Variants in ALG6 observed in about 807,000 individuals in gnomAD.
The protein encoded by ALG6 is ALG6 alpha-1,3-glucosyltransferase.
A neutral mutation model predicts 66.6 loss-of-function variants in ALG6; 46 were observed. The observed-to-expected ratio is 0.69, with a 90% CI of 0.55 to 0.88. The LOEUF (loss-of-function observed/expected upper bound fraction) is 0.88. Ranked by LOEUF, ALG6 falls within the 40% of genes least tolerant of loss-of-function variation. The pLI, the probability that ALG6 is intolerant of heterozygous loss-of-function variation, is 0.00. For synonymous variants in ALG6, 185 were observed against 203.7 expected (o/e 0.91, Z 0.78); for missense variants, 505 against 586.8 (o/e 0.86, Z 1.44).
chr1:63,368,833 A>G (rs1647814912), intron 1 of ALG6, among the ~76,000 whole-genome samples: 1 of 152,130 alleles, frequency 6.6e-6, no homozygotes, highest in Admixed American at 6.5e-5. Context: ...AATATACCAT[A>G]TAGAAAAATA....
chr1:63,418,049 G>A (rs1028836801), intron 11 of ALG6, among the ~76,000 whole-genome samples: 12 of 151,482 alleles, frequency 7.9e-5, no homozygotes, highest in Non-Finnish European at 1.6e-4. Context: ...CAGGAGAATC[G>A]CTTGAACCTG....
chr1:63,371,944 G>C (rs965064721), intron 2 of ALG6, among the ~76,000 whole-genome samples: 2 of 152,170 alleles, frequency 1.3e-5, no homozygotes, highest in African/African-American at 4.8e-5. Context: ...ACAACAGAGG[G>C]TGATAATTAT....
chr1:63,413,945 T>C, intron 9 of ALG6, 116 bp from the exon 10 acceptor site: 1 of 723,136 alleles, frequency 1.4e-6, no homozygotes, highest in East Asian at 2.7e-5. Context: ...TAGTTATAAT[T>C]GTGACTAAAA....
rs571368431 is a variant in ALG6 at position 63,430,772 on chromosome 1, T to C, written c.1326+1646T>C. On this transcript the variant is annotated intron_variant, in intron 14 of 14. Transcript: ENST00000263440. ...TTGAGTTGTAAGAGTTTTTTTAATATATATTCTTGATATGAGTTCCTTACC... is the reference window on the plus strand; with the variant it reads ...TTGAGTTGTAAGAGTTTTTTTAATACATATTCTTGATATGAGTTCCTTACC... 2.6e-5 allele frequency among the ~76,000 whole-genome samples: 4 copies of C among 152,328 alleles called. No homozygotes were observed. In the East Asian group the frequency reaches 5.8e-4, roughly 22 times the overall value.
At chr1:63,423,155 C>CT (rs1352513483) in intron 12 of ALG6, among the ~76,000 whole-genome samples, 1 of 151,574 alleles carries the variant, frequency 6.6e-6, no homozygotes, top group Admixed American at 6.6e-5. Context: ...TCCCCAGTAG[C>CT]TGGGACTACA....
chr1:63,372,825 A>G (rs1053583536), intron 2 of ALG6, among the ~76,000 whole-genome samples: 1 of 151,902 alleles, frequency 6.6e-6, no homozygotes, highest in East Asian at 1.9e-4. Context: ...ATGCCCAGCT[A>G]ATTTTTGTAT....
chr1:63,412,190 A>ATTGC, intron 9 of ALG6, 129 bp downstream of exon 9: 2 of 1,373,302 alleles, frequency 1.5e-6, no homozygotes, highest in Non-Finnish European at 2.0e-6. Context: ...CTTGCCAGTT[A>ATTGC]TTGCTTGATT....
intron 2 of ALG6, among the ~76,000 whole-genome samples, chr1:63,388,208 C>T (rs577585433): frequency 1.2e-4 from 18 of 152,106 alleles, no homozygotes; most frequent in Admixed American, 2.6e-4. Flanking sequence ...CATGAGCCAC[C>T]GCGCCTGGCC....
chr1:63,371,094 A>G (rs1283822558), intron 2 of ALG6, 35 bp downstream of exon 2: 3 of 1,485,258 alleles, frequency 2.0e-6, no homozygotes, highest in Admixed American at 3.3e-5. Context: ...AAAAAACGAA[A>G]TTTTCCTTTG....
Position 63,436,857 on chromosome 1 carries a change from C to T in ALG6, c.1361C>T (p.Thr454Met), listed in dbSNP as rs138890428. 3.0e-5 allele frequency: 49 copies of T among 1,613,636 alleles called. No homozygotes were observed. The African/African-American group carries it at 5.3e-4, about 18-fold the overall frequency. The change falls in exon 15 of 15, where the codon ACG becomes ATG. Residue 454 changes from threonine to methionine, a missense_variant. By Grantham distance (81) the Thr-to-Met change is moderately conservative. Transcript: ENST00000263440. ...LISVITMVLL[T>M]LMTVTLDPPQ... ...TCAGTCATCACTATGGTGCTTCTGA[C>T]GTTGATGACTGTCACACTGGATCCT...
intron 10 of ALG6, among the ~76,000 whole-genome samples, chr1:63,414,501 C>T (rs1376504622): frequency 1.3e-5 from 2 of 152,112 alleles, no homozygotes; most frequent in Non-Finnish European, 2.9e-5. Flanking sequence ...CCACCCACCT[C>T]GGCCTCCCAA....
In ALG6 at chr1:63,419,421, T is replaced by G; in HGVS notation, c.1039T>G (p.Ser347Ala). Residue 347 changes from serine (S) to alanine (A), a missense_variant, in exon 12 of 15, where the codon TCC becomes GCC. Coordinates refer to ENST00000263440, the MANE Select transcript of ALG6 (RefSeq NM_013339.4). ...FLFSFQVHEK[S>A]ILLVSLPVCL... The stretch of plus-strand genomic sequence containing the variant: ...ATTTTCTTTCCAAGTACATGAAAAA[T>G]CCATTCTCTTGGTGTCACTGTAAGT... 6.2e-7 allele frequency: 1 copy of G among 1,608,038 alleles called. No homozygotes were observed. The highest frequency in any genetic ancestry group is 1.1e-5 in the South Asian group (1 of 90,058).
At chr1:63,376,286 G>T (rs1648123566) in intron 2 of ALG6, among the ~76,000 whole-genome samples, 2 of 152,158 alleles carry the variant, frequency 1.3e-5, no homozygotes, top group South Asian at 4.1e-4. Context: ...TAGATAAGGT[G>T]CAGTTAAAAT....
rs1644519126 is a variant in ALG6 at position 63,412,049 on chromosome 1, T to C, written c.804T>C (p.Arg268=). 1 of 1,614,110 alleles carries C rather than the reference T, an allele frequency of 6.2e-7. No homozygotes were observed. The highest frequency in any genetic ancestry group is 2.2e-5 in the East Asian group (1 of 44,878). Residue 268 remains arginine (R), a synonymous_variant, in exon 9 of 15, where the codon CGT becomes CGC. Coordinates refer to ENST00000263440, the MANE Select transcript of ALG6 (RefSeq NM_013339.4). The stretch of plus-strand genomic sequence containing the variant: ...TAAGAAGACTCTTCCCGGTTGATCG[T>C]GGATTATTTGAGGCATGTTTAAACA... ...QVLRRLFPVD[R]GLFEDKVANI... is the part of the protein sequence containing the mutation.
chr1:63,378,533 G>T (rs1052872256), intron 2 of ALG6, among the ~76,000 whole-genome samples: 5 of 152,104 alleles, frequency 3.3e-5, no homozygotes, highest in South Asian at 2.1e-4. Flanking sequence ...ACTCTGATTA[G>T]ATATATGTTG....
chr1:63,401,044 C>G (rs910134155), intron 3 of ALG6, among the ~76,000 whole-genome samples: 3 of 152,094 alleles, frequency 2.0e-5, no homozygotes, highest in African/African-American at 7.2e-5. Context: ...CCCAGAGATT[C>G]TTAGACTCGC....
chr1:63,433,210 G>T lies in ALG6; in HGVS notation c.1327-3613G>T, dbSNP rs577051117. ...CCCGCCTCAGCCTCCCAAAGTGCTGGGATTACAGGCGTGAGCTACCGCGCC... is the reference window on the plus strand; with the variant it reads ...CCCGCCTCAGCCTCCCAAAGTGCTGTGATTACAGGCGTGAGCTACCGCGCC... On this transcript the variant is annotated intron_variant, in intron 14 of 14. Transcript: ENST00000263440. This position sits in a 1 kb window ranked among gnomAD's most constrained non-coding sequence, Gnocchi z 4.2. Among the ~76,000 whole-genome samples, 4 of 152,280 alleles carry T rather than the reference G, an allele frequency of 2.6e-5. No individual in the cohort carries two copies. The highest frequency in any genetic ancestry group is 2.6e-4 in the Admixed American group (4 of 15,290).
intron 14 of ALG6, 150 bp downstream of exon 14, chr1:63,429,276 G>A: frequency 1.6e-6 from 1 of 635,856 alleles, no homozygotes; most frequent in Non-Finnish European, 2.7e-6. Context: ...TTTTAAGTAT[G>A]TAAACAGATT....
chr1:63,422,757 A>G (rs918804613), intron 12 of ALG6, among the ~76,000 whole-genome samples: 1 of 151,670 alleles, frequency 6.6e-6, no homozygotes, highest in African/African-American at 2.4e-5. Context: ...GGAGTTCAAG[A>G]CCAGCCTGAC....
Sources: allele counts gnomAD v4.1 joint callset (sites outside exome capture counted in the v4.1 genomes callset), GRCh38; gene constraint gnomAD v4.1.1; non-coding constraint Gnocchi (gnomAD v3.1); transcripts MANE v1.5; gene names NCBI Gene and HGNC (gene_info 2026-07-23, HGNC 2026-07-21).